Variants in TENM2 observed in about 807,000 individuals in gnomAD.
TENM2 encodes teneurin transmembrane protein 2.
TENM2 carries 52 observed loss-of-function variants against 245.2 expected under a neutral mutation model. The observed-to-expected ratio is 0.21, with a 90% CI of 0.17 to 0.27. TENM2 has a LOEUF of 0.27. Among genes scored for constraint, TENM2 ranks in the 10% least tolerant of loss-of-function variants. TENM2 has a pLI of 1.00. For missense variants in TENM2, 3,046 were observed against 3,666.8 expected (o/e 0.83, Z 4.37); for synonymous variants, 1,363 against 1,438.9 (o/e 0.95, Z 1.19).
chr5:167,708,479 G>A (rs964135296), intron 2 of TENM2, among the ~76,000 whole-genome samples: 2 of 152,238 alleles, frequency 1.3e-5, no homozygotes, highest in Non-Finnish European at 2.9e-5. Flanking sequence ...GCTAGACAGG[G>A]CCATATTCCT....
At chr5:167,762,517 G>A (rs932947576) in intron 2 of TENM2, among the ~76,000 whole-genome samples, 3 of 152,146 alleles carry the variant, frequency 2.0e-5, no homozygotes, top group African/African-American at 4.8e-5. Context: ...TTAAGCAGGT[G>A]CTCCAGTCTG....
Position 168,165,124 on chromosome 5 carries a change from A to G in TENM2, c.2569+2367A>G, listed in dbSNP as rs185763864. On this transcript the variant is annotated intron_variant, in intron 13 of 28. Coordinates refer to ENST00000518659, the Ensembl canonical transcript of TENM2. ...ACACTGATAGGAGTACACAATCAAAACAGTTTACAGACCTGATGTGGTTTA... is the reference window on the plus strand; with the variant it reads ...ACACTGATAGGAGTACACAATCAAAGCAGTTTACAGACCTGATGTGGTTTA... 4 of 152,376 alleles carry G rather than the reference A, an allele frequency of 2.6e-5. No homozygotes were observed. In the East Asian group the frequency reaches 7.7e-4, roughly 29 times the overall value. 9.4% of individuals were successfully genotyped at this position (152,376 alleles called of 1,614,324 possible). A position where few individuals can be genotyped will look rare whatever the true frequency, so the allele number is the denominator to read the frequency against.
the TENM2 span, among the ~76,000 whole-genome samples, chr5:167,174,177 T>G: frequency 6.6e-6 from 1 of 151,850 alleles, no homozygotes; most frequent in Non-Finnish European, 1.5e-5. Flanking sequence ...TTTCTCACAA[T>G]GAATTTCTGC....
chr5:167,459,949 C>A (rs1766192552), intron 2 of TENM2, among the ~76,000 whole-genome samples: 3 of 150,924 alleles, frequency 2.0e-5, no homozygotes, highest in East Asian at 1.9e-4. Context: ...CACACACACA[C>A]AACACACACT....
chr5:168,210,744 A>C lies in TENM2; in HGVS notation c.3825-990A>C, dbSNP rs533104094. ...ACCTGAGCAGAAATCAGGGCATTAA[A>C]CTCTCTTTGTCCCTTCCCTGAAGCC... On this transcript the variant is annotated intron_variant, in intron 19 of 28. Transcript: ENST00000518659. Among the ~76,000 whole-genome samples, 3 of 152,150 alleles carry C rather than the reference A, an allele frequency of 2.0e-5. No homozygotes were observed. The East Asian group carries it at 5.8e-4, about 29-fold the overall frequency.
At chr5:166,982,232 C>G in the TENM2 span, among the ~76,000 whole-genome samples, 2 of 152,050 alleles carry the variant, frequency 1.3e-5, no homozygotes, top group Admixed American at 6.6e-5. Context: ...TGGAACTTGT[C>G]AATCACATTT....
chr5:167,926,789 A>AGTTTTCT (rs1436995402), intron 3 of TENM2, among the ~76,000 whole-genome samples: 1 of 150,694 alleles, frequency 6.6e-6, no homozygotes, highest in African/African-American at 2.4e-5. Context: ...TAGCGATGGG[A>AGTTTTCT]GTTTTCTGTA....
chr5:167,137,487 A>C, the TENM2 span, among the ~76,000 whole-genome samples: 2 of 152,198 alleles, frequency 1.3e-5, no homozygotes. Context: ...ATGCTATTGA[A>C]GAAACAAAAC....
chr5:168,118,233 C>T (rs1258928987), intron 9 of TENM2, 59 bp from the exon 12 acceptor site: 1 of 1,387,322 alleles, frequency 7.2e-7, no homozygotes. Context: ...CCTTAGACTG[C>T]CATAGCCCCT....
chr5:167,883,129 C>A (rs909760494), intron 3 of TENM2, among the ~76,000 whole-genome samples: 5 of 152,130 alleles, frequency 3.3e-5, no homozygotes, highest in African/African-American at 1.2e-4. Context: ...TGCTATAACA[C>A]TTGGCTGAAA....
At chr5:168,200,006 T>C (rs750430466) in exon 17 of TENM2, 2 of 1,613,888 alleles carry the variant, frequency 1.2e-6, no homozygotes, top group Non-Finnish European at 1.7e-6. Context: ...GTTCACCTGA[T>C]GGTGGCTGTC....
chr5:168,135,395 C>T (rs1031489083), intron 12 of TENM2, among the ~76,000 whole-genome samples: 3 of 152,290 alleles, frequency 2.0e-5, no homozygotes, highest in Non-Finnish European at 2.9e-5. Flanking sequence ...TTCTATTTCA[C>T]GAGCTCTTCT....
intron 2 of TENM2, among the ~76,000 whole-genome samples, chr5:167,561,563 T>C (rs1562056015): frequency 6.6e-6 from 1 of 152,132 alleles, no homozygotes; most frequent in Non-Finnish European, 1.5e-5. Context: ...GGTAGAAAGA[T>C]CAAGATGAAA....
intron 5 of TENM2, among the ~76,000 whole-genome samples, chr5:168,028,436 G>A (rs1021582506): frequency 5.9e-5 from 9 of 152,048 alleles, no homozygotes; most frequent in African/African-American, 9.7e-5. Flanking sequence ...GCTCAGGGGC[G>A]ATTCTAGGCA....
At chr5:167,034,733 T>A in the TENM2 span, among the ~76,000 whole-genome samples, 1 of 151,486 alleles carries the variant, frequency 6.6e-6, no homozygotes, top group Non-Finnish European at 1.5e-5. Context: ...TCCAAGAGAC[T>A]CTATCTGTGT....
intron 5 of TENM2, among the ~76,000 whole-genome samples, chr5:168,021,339 C>A (rs1786124678): frequency 6.6e-6 from 1 of 152,186 alleles, no homozygotes; most frequent in African/African-American, 2.4e-5. Context: ...GCAGTATTTG[C>A]TTAAAGGAGC....
At chr5:167,482,052 G>A (rs901522736) in intron 2 of TENM2, among the ~76,000 whole-genome samples, 1 of 152,022 alleles carries the variant, frequency 6.6e-6, no homozygotes, top group Admixed American at 6.6e-5. Context: ...ATGTTTCATC[G>A]CTATAGAGTT....
chr5:167,284,893 A>G (rs1396653887), exon 1 of TENM2: 1 of 1,551,634 alleles, frequency 6.4e-7, no homozygotes, highest in African/African-American at 1.4e-5. Context: ...TGTGGCAAAG[A>G]GTGTCGCTAC....
chr5:167,692,090 G>C (rs1299805007), intron 2 of TENM2, among the ~76,000 whole-genome samples: 1 of 151,826 alleles, frequency 6.6e-6, no homozygotes, highest in Non-Finnish European at 1.5e-5. Flanking sequence ...TGCCACCCCG[G>C]AATACCACTA....
Sources: allele counts gnomAD v4.1 joint callset (sites outside exome capture counted in the v4.1 genomes callset), GRCh38; gene constraint gnomAD v4.1.1; transcripts MANE v1.5; gene names NCBI Gene and HGNC (gene_info 2026-07-23, HGNC 2026-07-21).